The following MLC1 variants were observed in gnomAD, a reference collection of about 807,000 sequenced individuals.
MLC1 encodes membrane protein MLC1.
In MLC1, 32 loss-of-function variants were observed where a neutral mutation model predicts 44.7. The ratio of observed to expected loss-of-function variants is 0.72; its 90% CI spans 0.54 to 0.96. MLC1 has a LOEUF of 0.96. Ranked by LOEUF, MLC1 falls within the 40% of genes least tolerant of loss-of-function variation. The probability of loss-of-function intolerance (pLI) is 0.00; values close to 1 mark genes in which losing one functional copy is unlikely to be tolerated. For missense variants in MLC1, 459 were observed against 492.2 expected (o/e 0.93, Z 0.64); for synonymous variants, 190 against 213.0 (o/e 0.89, Z 0.94).
chr22:50,076,506 G>A (rs997954925), intron 7 of MLC1, among the ~76,000 whole-genome samples: 6 of 151,348 alleles, frequency 4.0e-5, no homozygotes, highest in Non-Finnish European at 8.8e-5. Context: ...GGTGAGCTGA[G>A]ATAGCACCAC....
At chr22:50,067,846 C>A (rs180802101) in intron 10 of MLC1, among the ~76,000 whole-genome samples, 2 of 151,602 alleles carry the variant, frequency 1.3e-5, no homozygotes, top group Admixed American at 1.3e-4. Flanking sequence ...CTCCATCCCC[C>A]CATCAGGCAG....
At chr22:50,065,781 A>G (rs1016439305) in intron 10 of MLC1, among the ~76,000 whole-genome samples, 1 of 152,364 alleles carries the variant, frequency 6.6e-6, no homozygotes, top group East Asian at 1.9e-4. Flanking sequence ...ATTTATCAGC[A>G]TGACAGCTGC....
chr22:50,085,680 G>C (rs997634001), upstream of MLC1: 1 of 152,538 alleles, frequency 6.6e-6, no homozygotes, highest in Non-Finnish European at 1.5e-5. Flanking sequence ...TTCTGAGCAG[G>C]CTCTGTTTCT....
rs779313834 is a variant in MLC1 at position 50,074,330 on chromosome 22, G to A, written c.600C>T (p.Val200=). The change falls in exon 8 of 12, where the codon GTC becomes GTT. Residue 200 remains valine, a splice_region_variant and synonymous_variant. Transcript: ENST00000311597. ...FPARVLKSYS[V]VEVIAGISAV... is the part of the protein sequence containing the mutation. ...CAGAGATGCCTGCGATTACCTCGAC[G>A]ACCTGGAGGGGACAGGACAGCATCG... 8.7e-6 allele frequency: 14 copies of A among 1,612,690 alleles called. No individual in the cohort carries two copies. The highest frequency in any genetic ancestry group is 5.0e-5 in the Admixed American group (3 of 59,996).
Position 50,077,454 on chromosome 22 carries a change from C to T in MLC1, c.472G>A (p.Ala158Thr), listed in dbSNP as rs748996338. 2 of 1,613,972 alleles carry T rather than the reference C, an allele frequency of 1.2e-6. No homozygotes were observed. Among genetic ancestry groups the T allele is most frequent in the Middle Eastern group, 1.7e-4 (1 of 6,008 alleles). The change falls in exon 6 of 12, where the codon GCC (alanine) becomes ACC (threonine). Residue 158 changes from alanine to threonine, a missense_variant. Physicochemically the swap from Ala to Thr is moderately conservative, Grantham distance 58. Transcript: ENST00000311597. ...GACCGTGCAGCGATGATCACCGTGG[C>T]CGCCATGAGCAGCTCCAGCAGGAGC... The part of the protein sequence containing the change: ...LLLLLELLMA[A>T]TVIIAARSSE...
In MLC1 at chr22:50,077,512, G is replaced by T; in HGVS notation, c.424-10C>A. On this transcript the variant is annotated splice_polypyrimidine_tract_variant and intron_variant, in intron 5 of 11. Transcript: ENST00000311597. ...TGAGGTTGAAGTTGATCTGCCAAGGGGCACACACGCTTCAGCACCGGGCCC... is the reference window on the plus strand; with the variant it reads ...TGAGGTTGAAGTTGATCTGCCAAGGTGCACACACGCTTCAGCACCGGGCCC... The T allele has an allele frequency of 6.2e-7, 1 of 1,610,324 alleles. No individual in the cohort carries two copies. The highest frequency in any genetic ancestry group is 8.5e-7 in the Non-Finnish European group (1 of 1,177,586).
chr22:50,077,137 G>A (rs938224713), intron 6 of MLC1, among the ~76,000 whole-genome samples: 3 of 152,180 alleles, frequency 2.0e-5, no homozygotes, highest in African/African-American at 7.2e-5. Context: ...CCCTGGGGAC[G>A]AGCACTGGAC....
chr22:50,069,016 C>T (rs894409015), intron 9 of MLC1, among the ~76,000 whole-genome samples: 7 of 151,862 alleles, frequency 4.6e-5, no homozygotes, highest in East Asian at 3.9e-4. Context: ...CATGAGCCAC[C>T]GCGCCCGGCC....
rs7285509 is a variant in MLC1 at position 50,065,725 on chromosome 22, T to C, written c.895-1527A>G. Among the ~76,000 whole-genome samples the C allele has an allele frequency of 8.3e-3, 1,261 of 152,282 alleles. 13 individuals carry two copies. The highest frequency in any genetic ancestry group is 0.029 in the African/African-American group (1,190 of 41,566). ...TGGAGAAGTGAGCACCTTCACGCCA[T>C]TGGCAGGAGGGAAGGTGGACGGCCC... On this transcript the variant is annotated intron_variant, in intron 10 of 11. Transcript: ENST00000311597.
chr22:50,081,035 A>AAGAAAGAAAGAAAGAAAG lies in MLC1; in HGVS notation c.268-656_268-639dup, dbSNP rs2062120496. On this transcript the variant is annotated intron_variant, in intron 3 of 11. Transcript: ENST00000311597. ...AAAGAAAGAAAGAAAGAAAGAAAGA[A>AAGAAAGAAAGAAAGAAAG]AGAAAGAAAGAAAGAAAGAAAGAGG... 8.8e-5 allele frequency among the ~76,000 whole-genome samples: 13 copies of AAGAAAGAAAGAAAGAAAG among 148,218 alleles called. No individual in the cohort carries two copies. The South Asian group carries it at 2.7e-3, about 31-fold the overall frequency.
Position 50,077,383 on chromosome 22 carries a change from G to C in MLC1, c.525+18C>G, listed in dbSNP as rs746998223. 72 of 1,607,340 alleles carry C rather than the reference G, an allele frequency of 4.5e-5. No individual in the cohort carries two copies. The highest frequency in any genetic ancestry group is 1.8e-4 in the Admixed American group (11 of 59,956). ...GCCTCTGCACCCCCTGCCCTGCGGG[G>C]TCAGAAGCTGCACCCACCTTCTTTT... On this transcript the variant is annotated intron_variant, in intron 6 of 11. Coordinates refer to ENST00000311597, the MANE Select transcript of MLC1 (RefSeq NM_015166.4).
Position 50,067,171 on chromosome 22 carries a change from G to A in MLC1, c.894+1262C>T, listed in dbSNP as rs549663527. 9.2e-5 allele frequency among the ~76,000 whole-genome samples: 14 copies of A among 152,252 alleles called. 1 individual carries two copies. In the South Asian group the frequency reaches 2.7e-3, roughly 29 times the overall value. On this transcript the variant is annotated intron_variant, in intron 10 of 11. Coordinates refer to ENST00000311597, the MANE Select transcript of MLC1 (RefSeq NM_015166.4). ...AATAATTGGAGTAGGAGTGGGTGAA[G>A]CAAACACAAGAGAAGTGAAGAAAAA...
At chr22:50,075,707 CA>C (rs1159787703) in intron 7 of MLC1, among the ~76,000 whole-genome samples, 4 of 134,510 alleles carry the variant, frequency 3.0e-5, no homozygotes, top group East Asian at 2.1e-4. Context: ...GACTCCATCT[CA>C]AAAAAAAAGG....
intron 3 of MLC1, among the ~76,000 whole-genome samples, chr22:50,081,216 G>A (rs2062132724): frequency 2.0e-5 from 3 of 151,918 alleles, no homozygotes; most frequent in Non-Finnish European, 4.4e-5. Flanking sequence ...GGTGGCGGGT[G>A]CCTGTAGTCC....
chr22:50,074,304 G>A lies in MLC1; in HGVS notation c.626C>T (p.Ala209Val). 1 of 1,614,104 alleles carries A rather than the reference G, an allele frequency of 6.2e-7. No individual in the cohort carries two copies. Among genetic ancestry groups the A allele is most frequent in the South Asian group, 1.1e-5 (1 of 91,080 alleles). ...CAGGGCAATGATCCCCCCGAGGACG[G>A]CAGAGATGCCTGCGATTACCTCGAC... The part of the protein sequence containing the change: ...SVVEVIAGIS[A>V]VLGGIIALNV... Residue 209 changes from alanine to valine, a missense_variant, in exon 8 of 12, where the codon GCC becomes GTC. Physicochemically the swap from Ala to Val is moderately conservative, Grantham distance 64. Coordinates refer to ENST00000311597, the MANE Select transcript of MLC1 (RefSeq NM_015166.4).
intron 3 of MLC1, among the ~76,000 whole-genome samples, chr22:50,082,577 C>G (rs1269263072): frequency 1.3e-5 from 2 of 152,260 alleles, no homozygotes; most frequent in Admixed American, 1.3e-4. Context: ...GTCTGCAGAG[C>G]AAGGTTCAGG....
At chr22:50,063,430 G>A (rs1227263769) in intron 11 of MLC1, among the ~76,000 whole-genome samples, 3 of 143,940 alleles carry the variant, frequency 2.1e-5, no homozygotes, top group East Asian at 2.1e-4. Context: ...CCGTGATCGC[G>A]CCACTGCACT....
intron 8 of MLC1, among the ~76,000 whole-genome samples, chr22:50,071,056 A>G (rs1049257744): frequency 6.6e-6 from 1 of 151,814 alleles, no homozygotes; most frequent in Non-Finnish European, 1.5e-5. Context: ...AGATTCTTCC[A>G]GTTGTCCTCA....
chr22:50,071,539 G>A (rs972285491), intron 8 of MLC1, among the ~76,000 whole-genome samples: 7 of 152,158 alleles, frequency 4.6e-5, no homozygotes, highest in African/African-American at 1.7e-4. Context: ...CTTCTGGGGG[G>A]TGCAGCCCAT....
Sources: gnomAD v4.1 joint callset for allele counts (sites outside exome capture counted in the v4.1 genomes callset) on GRCh38, gnomAD v4.1.1 for gene constraint, MANE v1.5 for transcripts, NCBI Gene and HGNC (gene_info 2026-07-23, HGNC 2026-07-21) for gene names.